The following SLC20A2 variants were observed in gnomAD, a reference collection of about 807,000 sequenced individuals.
SLC20A2 encodes the protein sodium-dependent phosphate transporter 2.
SLC20A2 carries 30 observed loss-of-function variants against 61.0 expected under a neutral mutation model. The ratio of observed to expected loss-of-function variants is 0.49; its 90% CI spans 0.37 to 0.67. The LOEUF (loss-of-function observed/expected upper bound fraction) is 0.67, where lower values mean the gene tolerates loss of function less well. SLC20A2 is among the 30% of genes least tolerant of loss of function. The pLI, the probability that SLC20A2 is intolerant of heterozygous loss-of-function variation, is 0.00. For synonymous variants in SLC20A2, 351 were observed against 353.3 expected (o/e 0.99, Z 0.07); for missense variants, 626 against 866.4 (o/e 0.72, Z 3.48).
intron 1 of SLC20A2, among the ~76,000 whole-genome samples, chr8:42,473,761 C>G (rs1807838615): frequency 6.6e-6 from 1 of 152,066 alleles, no homozygotes; most frequent in African/African-American, 2.4e-5. Flanking sequence ...TTGAGTTGAA[C>G]TGAATAAATA....
At chr8:42,496,024 A>G (rs1347444314) in intron 1 of SLC20A2, among the ~76,000 whole-genome samples, 1 of 152,226 alleles carries the variant, frequency 6.6e-6, no homozygotes, top group Non-Finnish European at 1.5e-5. Flanking sequence ...TGCTGGGAAT[A>G]CAGGCGTGAG....
intron 1 of SLC20A2, among the ~76,000 whole-genome samples, chr8:42,481,891 C>T (rs970876749): frequency 2.0e-5 from 3 of 152,186 alleles, no homozygotes; most frequent in Non-Finnish European, 2.9e-5. Context: ...ACACTCCCTC[C>T]GCATTCTTCT....
At chr8:42,518,394 A>C (rs1284449508) in intron 1 of SLC20A2, among the ~76,000 whole-genome samples, 1 of 152,236 alleles carries the variant, frequency 6.6e-6, no homozygotes, top group South Asian at 2.1e-4. Context: ...TTTTGAAACA[A>C]GAGTTAAATC....
At chr8:42,433,570 GCCT>G (rs374702063) in intron 8 of SLC20A2, among the ~76,000 whole-genome samples, 1 of 152,128 alleles carries the variant, frequency 6.6e-6, no homozygotes, top group African/African-American at 2.4e-5. Context: ...TGATCCGCCC[GCCT>G]CAGCCTCCCA....
chr8:42,492,720 G>A (rs1184974565), intron 1 of SLC20A2, among the ~76,000 whole-genome samples: 1 of 150,178 alleles, frequency 6.7e-6, no homozygotes, highest in Non-Finnish European at 1.5e-5. Flanking sequence ...ACGGAGTTTC[G>A]CTCTGTCACC....
chr8:42,514,484 G>A (rs534925620), intron 1 of SLC20A2, among the ~76,000 whole-genome samples: 170 of 152,296 alleles, frequency 1.1e-3, no homozygotes, highest in African/African-American at 3.6e-3. Context: ...CTGGCTGGGC[G>A]CGGTGGCTCA....
At chr8:42,475,386 T>C (rs978304279) in intron 1 of SLC20A2, among the ~76,000 whole-genome samples, 30 of 145,746 alleles carry the variant, frequency 2.1e-4, no homozygotes, top group Non-Finnish European at 7.4e-5. Context: ...TGGTGTGAGA[T>C]ACCATGCCCG....
chr8:42,441,912 T>A (rs549059321), intron 6 of SLC20A2, among the ~76,000 whole-genome samples: 1 of 152,062 alleles, frequency 6.6e-6, no homozygotes, highest in African/African-American at 2.4e-5. Flanking sequence ...GTTTGAAATT[T>A]TGATGAAGTA....
At chr8:42,473,894 G>A (rs1033877611) in intron 1 of SLC20A2, among the ~76,000 whole-genome samples, 2 of 152,174 alleles carry the variant, frequency 1.3e-5, no homozygotes, top group Non-Finnish European at 2.9e-5. Context: ...TAAAAGGCCG[G>A]GTGTAGTGGC....
Position 42,428,799 on chromosome 8 carries a change from C to T in SLC20A2, c.1753G>A (p.Ala585Thr), listed in dbSNP as rs757128846. 4.3e-6 allele frequency: 7 copies of T among 1,610,574 alleles called. No homozygotes were observed. The highest frequency in any genetic ancestry group is 1.1e-5 in the South Asian group (1 of 90,512). ...ELASAFTVVI[A>T]SNIGLPVSTT... ...CTGACTGGAAGCCCGATGTTGGAGG[C>T]GATCACCACTGTGAAGGCTGAGGCC... is the stretch of plus-strand genomic sequence containing the variant. Residue 585 changes from alanine (A) to threonine (T), a missense_variant, in exon 10 of 11, where the codon GCC becomes ACC. Transcript: ENST00000520262.
intron 4 of SLC20A2, among the ~76,000 whole-genome samples, chr8:42,460,717 GTTAAATAACA>G (rs1231316936): frequency 6.6e-6 from 1 of 152,148 alleles, no homozygotes; most frequent in Non-Finnish European, 1.5e-5. Context: ...CATGTTTTCA[GTTAAATAACA>G]TCTAAGAGAA....
At chr8:42,537,370 CAAAAA>C (rs34392956) in intron 1 of SLC20A2, among the ~76,000 whole-genome samples, 1 of 86,180 alleles carries the variant, frequency 1.2e-5, no homozygotes. Context: ...GACCCTGTCT[CAAAAA>C]AAAAAAAAAA....
intron 1 of SLC20A2, among the ~76,000 whole-genome samples, chr8:42,515,895 T>C (rs1811296679): frequency 6.6e-6 from 1 of 152,192 alleles, no homozygotes; most frequent in Non-Finnish European, 1.5e-5. Context: ...CAACAAATAT[T>C]GGCAGTGCAC....
intron 6 of SLC20A2, among the ~76,000 whole-genome samples, chr8:42,439,854 AAGC>A (rs1289808804): frequency 1.3e-5 from 2 of 152,138 alleles, no homozygotes; most frequent in African/African-American, 4.8e-5. Context: ...TGGGAGGCCG[AAGC>A]AGGTGGATCA....
At chr8:42,425,080 G>A (rs16891305) in intron 10 of SLC20A2, among the ~76,000 whole-genome samples, 16,180 of 152,070 alleles carry the variant, frequency 0.11, 2,140 homozygotes, top group African/African-American at 0.31. Context: ...TATGCACTTA[G>A]CCATGTACAC....
intron 1 of SLC20A2, among the ~76,000 whole-genome samples, chr8:42,520,007 TC>T (rs1554539172): frequency 6.1e-5 from 8 of 130,554 alleles, no homozygotes; most frequent in East Asian, 2.2e-4. Flanking sequence ...TTTATGCTAA[TC>T]TTTTTTTTTT....
chr8:42,516,721 T>G (rs1811340201), intron 1 of SLC20A2, among the ~76,000 whole-genome samples: 1 of 152,248 alleles, frequency 6.6e-6, no homozygotes, highest in Non-Finnish European at 1.5e-5. Context: ...CAGCAGTTCC[T>G]GATATGACTT....
chr8:42,446,560 T>C (rs61474504), intron 5 of SLC20A2, among the ~76,000 whole-genome samples: 7,592 of 152,320 alleles, frequency 0.05, 575 homozygotes, highest in African/African-American at 0.17. Flanking sequence ...TGCAGGTCTA[T>C]ATGTACTGAT....
chr8:42,456,742 A>C (rs200844398), intron 5 of SLC20A2, among the ~76,000 whole-genome samples: 85 of 151,056 alleles, frequency 5.6e-4, no homozygotes, highest in Middle Eastern at 6.8e-3. Flanking sequence ...AAAAAAAAAA[A>C]AAAAAAAAAA....
Sources: allele counts gnomAD v4.1 joint callset (sites outside exome capture counted in the v4.1 genomes callset), GRCh38; gene constraint gnomAD v4.1.1; transcripts MANE v1.5; gene names NCBI Gene and HGNC (gene_info 2026-07-23, HGNC 2026-07-21).